Variants in C5orf46 observed in about 807,000 individuals in gnomAD.
C5orf46 encodes the protein uncharacterized protein C5orf46.
C5orf46 carries 9 observed loss-of-function variants against 8.9 expected under a neutral mutation model. That is an observed-to-expected ratio of 1.01 (90% CI 0.61 to 1.76). The LOEUF (loss-of-function observed/expected upper bound fraction) is 1.76. Ranked by LOEUF, C5orf46 falls within the 40% of genes most tolerant of loss-of-function variation. C5orf46 has a pLI of 0.00. For synonymous variants in C5orf46, 47 were observed against 41.4 expected, an observed-to-expected ratio of 1.14 and a Z score of -0.52; for missense variants, 98 against 107.8, an observed-to-expected ratio of 0.91 and a Z score of 0.40.
At chr5:147,895,626 C>A (rs1296140532) in intron 3 of C5orf46, among the ~76,000 whole-genome samples, 1 of 152,078 alleles carries the variant, frequency 6.6e-6, no homozygotes, top group Non-Finnish European at 1.5e-5. Flanking sequence ...ACATCATAGA[C>A]CAGACCTGTA....
chr5:147,900,971 G>A (rs1757658933), intron 2 of C5orf46, among the ~76,000 whole-genome samples: 1 of 152,186 alleles, frequency 6.6e-6, no homozygotes, highest in Non-Finnish European at 1.5e-5. Context: ...AGCAGGCTGA[G>A]AACATTGGGA....
intron 2 of C5orf46, chr5:147,886,278 A>T (rs1477544176): frequency 1.3e-5 from 2 of 152,132 alleles, no homozygotes; most frequent in African/African-American, 4.8e-5. Flanking sequence ...CAATGTCAGC[A>T]TACTGGTTTT....
intron 1 of C5orf46, 73 bp from the exon 2 acceptor site, chr5:147,901,846 C>G (rs760489500): frequency 6.6e-7 from 1 of 1,509,796 alleles, no homozygotes; most frequent in East Asian, 2.4e-5. Flanking sequence ...GTGGGGAACG[C>G]TTGGGATTCT....
In C5orf46 at chr5:147,904,654, A is replaced by T. The variant is rs560929084; in HGVS notation, c.70+1778T>A. Among the ~76,000 whole-genome samples the T allele has an allele frequency of 1.4e-3, 214 of 152,182 alleles. 1 individual carries two copies. The highest frequency in any genetic ancestry group is 5.0e-3 in the African/African-American group (206 of 41,522). ...TGGCCTTAGCTTGTGAACCCCATAT[A>T]TATTGAGAGGTATTAAAGTGTGATG... On this transcript the variant is annotated intron_variant, in intron 1 of 3. Transcript: ENST00000318315.
intron 3 of C5orf46, among the ~76,000 whole-genome samples, chr5:147,896,467 T>C (rs1249898501): frequency 6.6e-6 from 1 of 152,208 alleles, no homozygotes; most frequent in African/African-American, 2.4e-5. Context: ...ACTTTTGTTT[T>C]CGTATTTCAA....
rs952493147 is a variant in C5orf46, at chr5:147,892,816, G to A, written c.*133C>T. 3.9e-5 allele frequency: 6 copies of A among 152,148 alleles called. No homozygotes were observed. The highest frequency in any genetic ancestry group is 7.4e-5 in the Non-Finnish European group (5 of 68,022). 9.4% of individuals were successfully genotyped at this position (152,148 alleles called of 1,614,324 possible). A position where few individuals can be genotyped will look rare whatever the true frequency, so the allele number is the denominator to read the frequency against. On this transcript the variant is annotated 3_prime_UTR_variant, in exon 4 of 4. Transcript: ENST00000318315. Reference sequence around the variant, plus strand: ...TGAGTTCTGTTTGGTTGAAGCCAGAGCCTGAATCCTGAGAACTCGTTGGGA... The same window carrying A: ...TGAGTTCTGTTTGGTTGAAGCCAGAACCTGAATCCTGAGAACTCGTTGGGA...
At chr5:147,904,505 C>G (rs1396110744) in intron 1 of C5orf46, among the ~76,000 whole-genome samples, 1 of 152,214 alleles carries the variant, frequency 6.6e-6, no homozygotes, top group South Asian at 2.1e-4. Flanking sequence ...GATTTTTTCT[C>G]CTGTGTTTCT....
At chr5:147,896,946 A>G (rs1757589669) in intron 3 of C5orf46, 38 bp downstream of exon 3, 13 of 1,111,934 alleles carry the variant, frequency 1.2e-5, no homozygotes, top group Non-Finnish European at 1.7e-5. Flanking sequence ...TGTCCAATAC[A>G]CTGTTATTTC....
chr5:147,902,517 T>C (rs1051240736), intron 1 of C5orf46, among the ~76,000 whole-genome samples: 1 of 152,146 alleles, frequency 6.6e-6, no homozygotes, highest in Admixed American at 6.5e-5. Flanking sequence ...TACATGCCTA[T>C]GACGATCTAC....
At chr5:147,889,397 G>A (rs1757469895), downstream of C5orf46, among the ~76,000 whole-genome samples, 1 of 152,122 alleles carries the variant, frequency 6.6e-6, no homozygotes, top group African/African-American at 2.4e-5. Flanking sequence ...ATTAGTGTGG[G>A]AGATTGTTAA....
downstream of C5orf46, among the ~76,000 whole-genome samples, chr5:147,889,422 T>C (rs1024051485): frequency 3.3e-5 from 5 of 152,174 alleles, no homozygotes; most frequent in Admixed American, 3.3e-4. Flanking sequence ...TAGAAGTATA[T>C]ACACATTTCC....
intron 2 of C5orf46, chr5:147,887,121 T>C (rs1039631560): frequency 1.3e-5 from 2 of 152,210 alleles, no homozygotes; most frequent in Non-Finnish European, 2.9e-5. Context: ...AGATAGGCAG[T>C]ACAACCAGAC....
chr5:147,889,812 T>C (rs1028719385), downstream of C5orf46, among the ~76,000 whole-genome samples: 4 of 152,158 alleles, frequency 2.6e-5, no homozygotes, highest in African/African-American at 9.7e-5. Context: ...AATAATCATA[T>C]CTAATTTTTG....
At chr5:147,899,797 G>T (rs1757639895) in intron 2 of C5orf46, among the ~76,000 whole-genome samples, 1 of 152,134 alleles carries the variant, frequency 6.6e-6, no homozygotes, top group Non-Finnish European at 1.5e-5. Flanking sequence ...GTAAGCTCAA[G>T]AACTAGTCAT....
Position 147,901,667 on chromosome 5 carries a change from A to G in C5orf46, c.177T>C (p.Asn59=). 1 of 1,614,090 alleles carries G rather than the reference A, an allele frequency of 6.2e-7. No individual in the cohort carries two copies. The highest frequency in any genetic ancestry group is 8.5e-7 in the Non-Finnish European group (1 of 1,179,982). ...TGGAGCGGAGGATGAACTCGACTGC[A>G]TTCTCAATGATCTCTGTGCCCAGGA... ...LSLLGTEIIE[N]AVEFILRSMS... Residue 59 remains asparagine (N), a synonymous_variant, in exon 2 of 4, where the codon AAT becomes AAC. Transcript: ENST00000318315.
chr5:147,888,662 A>T (rs1047407699), downstream of C5orf46, among the ~76,000 whole-genome samples: 3 of 152,128 alleles, frequency 2.0e-5, no homozygotes, highest in African/African-American at 7.2e-5. Context: ...CACCCAGTTG[A>T]TACACATCTG....
intron 2 of C5orf46, among the ~76,000 whole-genome samples, chr5:147,898,230 G>T (rs534235506): frequency 6.6e-6 from 1 of 152,124 alleles, no homozygotes; most frequent in Non-Finnish European, 1.5e-5. Flanking sequence ...AGATGATAAA[G>T]GACTCAACTT....
chr5:147,901,984 A>G (rs1757679218), intron 1 of C5orf46, among the ~76,000 whole-genome samples: 1 of 152,202 alleles, frequency 6.6e-6, no homozygotes, highest in Non-Finnish European at 1.5e-5. Context: ...AGACCGACTG[A>G]TATTGATACT....
rs191635125 is a variant in C5orf46, at chr5:147,905,066, T to A, written c.70+1366A>T. Among the ~76,000 whole-genome samples, 8 of 152,010 alleles carry A rather than the reference T, an allele frequency of 5.3e-5. No individual in the cohort carries two copies. The East Asian group carries it at 1.5e-3, about 29-fold the overall frequency. On this transcript the variant is annotated intron_variant, in intron 1 of 3. Coordinates refer to ENST00000318315, the MANE Select transcript of C5orf46 (RefSeq NM_206966.3). ...GTGCTTTAGAAGATAATATAAATTT[T>A]AAAAATGCTATTAAAATATTAAACG...
Sources: allele counts gnomAD v4.1 joint callset (sites outside exome capture counted in the v4.1 genomes callset), GRCh38; gene constraint gnomAD v4.1.1; transcripts MANE v1.5; gene names NCBI Gene and HGNC (gene_info 2026-07-23, HGNC 2026-07-21).